CELF4: variants seen among roughly 807,000 people sequenced by gnomAD.
The protein encoded by CELF4 is CUG-BP- and ETR-3-like factor 4.
A neutral mutation model predicts 59.9 loss-of-function variants in CELF4; 18 were observed. The observed-to-expected ratio is 0.30, with a 90% CI of 0.21 to 0.45. The LOEUF is 0.45. Among genes scored for constraint, CELF4 ranks in the 20% least tolerant of loss-of-function variants. CELF4 has a pLI of 1.00. For missense variants in CELF4, 456 were observed against 689.0 expected (o/e 0.66, Z 3.79); for synonymous variants, 261 against 267.1 (o/e 0.98, Z 0.22).
chr18:37,316,533 C>G (rs965432360), intron 3 of CELF4, among the ~76,000 whole-genome samples: 1 of 152,058 alleles, frequency 6.6e-6, no homozygotes, highest in African/African-American at 2.4e-5. Context: ...ATCTCTTGCC[C>G]AGGATCAGTG....
intron 1 of CELF4, among the ~76,000 whole-genome samples, chr18:37,517,445 G>A (rs920457928): frequency 1.3e-5 from 2 of 152,114 alleles, no homozygotes; most frequent in Admixed American, 6.5e-5. Flanking sequence ...GTCTGTCGGT[G>A]CTGAGCTCAG....
At chr18:37,310,922 G>A (rs985800762) in intron 3 of CELF4, among the ~76,000 whole-genome samples, 9 of 152,180 alleles carry the variant, frequency 5.9e-5, no homozygotes, top group South Asian at 2.1e-4. Context: ...CCAGACGGTA[G>A]TGACATGGGA....
chr18:37,353,563 G>C (rs535559729), intron 2 of CELF4, among the ~76,000 whole-genome samples: 5 of 149,404 alleles, frequency 3.3e-5, no homozygotes, highest in Admixed American at 1.4e-4. Flanking sequence ...GCAAGCAGGA[G>C]AGACCAGGAG....
chr18:37,454,463 G>A (rs1363572425), intron 2 of CELF4, among the ~76,000 whole-genome samples: 2 of 152,106 alleles, frequency 1.3e-5, no homozygotes, highest in Admixed American at 6.5e-5. Flanking sequence ...TTTACAGGTA[G>A]CCCCCACATG....
rs368392854 is a variant in CELF4, at chr18:37,420,554, C to G, written c.369+64971G>C. Among the ~76,000 whole-genome samples the G allele has an allele frequency of 2.0e-5, 3 of 152,312 alleles. No homozygotes were observed. In the East Asian group the frequency reaches 5.8e-4, roughly 29 times the overall value. ...GTGCTGGGAGCACTGGGTGGAGGGG[C>G]ACTCTGTCTACCTCCTGGCTGTGGG... is the stretch of plus-strand genomic sequence containing the variant. On this transcript the variant is annotated intron_variant, in intron 2 of 12. Transcript: ENST00000420428.
chr18:37,303,076 G>C (rs369277862), intron 3 of CELF4, among the ~76,000 whole-genome samples: 4 of 152,312 alleles, frequency 2.6e-5, no homozygotes, highest in South Asian at 4.1e-4. Flanking sequence ...TGGTGGAAGA[G>C]AGGAGAAGGA....
intron 2 of CELF4, among the ~76,000 whole-genome samples, chr18:37,480,661 GA>G (rs1406380970): frequency 1.3e-5 from 2 of 152,174 alleles, no homozygotes; most frequent in Admixed American, 6.5e-5. Context: ...CCCGTATGGT[GA>G]TGGGGGCCCC....
intron 2 of CELF4, among the ~76,000 whole-genome samples, chr18:37,468,923 T>G (rs1416894360): frequency 1.3e-5 from 2 of 152,166 alleles, no homozygotes; most frequent in Non-Finnish European, 2.9e-5. Context: ...GTGGGGATTA[T>G]GGGTATTATA....
Position 37,254,287 on chromosome 18 carries a change from G to C in CELF4, c.1334-349C>G, listed in dbSNP as rs1052256576. 2.0e-5 allele frequency among the ~76,000 whole-genome samples: 3 copies of C among 151,652 alleles called. No individual in the cohort carries two copies. The highest frequency in any genetic ancestry group is 2.9e-5 in the Non-Finnish European group (2 of 67,822). ...CCGGCACCTCAGCCCTCGCCTCGGC[G>C]GGAGAGGGCGGACACACCTGCGGGT... is the stretch of plus-strand genomic sequence containing the variant. On this transcript the variant is annotated intron_variant, in intron 11 of 12. Transcript: ENST00000420428. The surrounding 1 kb of genome is among the most constrained non-coding windows in gnomAD (Gnocchi z 5.1).
At chr18:37,541,493 C>T (rs118021765) in intron 1 of CELF4, among the ~76,000 whole-genome samples, 59 of 152,280 alleles carry the variant, frequency 3.9e-4, no homozygotes, top group African/African-American at 1.3e-3. Context: ...TGCCCCCCTC[C>T]GTGTCTGCTC....
At position 37,275,133 on chromosome 18, in the gene CELF4, G is replaced by A; in HGVS notation, c.559C>T (p.Pro187Ser). ...NIEECTILRG[P>S]DGNSKGCAFV... ...CGCGCACCCTTGCTGTTGCCGTCGG[G>A]CCCGCGCAGGATGGTGCACTCCTCG... The change falls in exon 4 of 13, where the codon CCC (proline) becomes TCC (serine). Residue 187 changes from proline to serine, a missense_variant. Physicochemically the swap from Pro to Ser is moderately conservative, Grantham distance 74. Coordinates refer to ENST00000420428, the MANE Select transcript of CELF4 (RefSeq NM_020180.4). 1 of 1,613,352 alleles carries A rather than the reference G, an allele frequency of 6.2e-7. No homozygotes were observed. The highest frequency in any genetic ancestry group is 8.5e-7 in the Non-Finnish European group (1 of 1,179,872).
At chr18:37,532,652 G>A (rs1284999613) in intron 1 of CELF4, among the ~76,000 whole-genome samples, 1 of 152,080 alleles carries the variant, frequency 6.6e-6, no homozygotes, top group East Asian at 1.9e-4. Context: ...AAAAAGGTCA[G>A]GTGACATGGT....
At chr18:37,354,304 A>G (rs2098523600) in intron 2 of CELF4, among the ~76,000 whole-genome samples, 1 of 152,046 alleles carries the variant, frequency 6.6e-6, no homozygotes, top group African/African-American at 2.4e-5. Context: ...GTAAGGGAAA[A>G]CAAGCTCAGC....
intron 2 of CELF4, among the ~76,000 whole-genome samples, chr18:37,401,171 C>T (rs2099321778): frequency 6.6e-6 from 1 of 152,158 alleles, no homozygotes; most frequent in African/African-American, 2.4e-5. Context: ...TGCTGGACCC[C>T]CAGATGGTTG....
intron 2 of CELF4, among the ~76,000 whole-genome samples, chr18:37,344,599 T>TG (rs746787325): frequency 6.6e-6 from 1 of 152,240 alleles, no homozygotes; most frequent in Non-Finnish European, 1.5e-5. Context: ...GTGTGAGCCA[T>TG]GAAAGCTTGT....
chr18:37,487,955 T>C (rs886242300), intron 1 of CELF4, among the ~76,000 whole-genome samples: 1 of 151,812 alleles, frequency 6.6e-6, no homozygotes, highest in Non-Finnish European at 1.5e-5. Context: ...TTGGGTGACC[T>C]CCCCCTGCCG....
chr18:37,258,504 G>A (rs918849319), intron 11 of CELF4, among the ~76,000 whole-genome samples: 3 of 152,168 alleles, frequency 2.0e-5, no homozygotes, highest in Admixed American at 6.5e-5. Context: ...TAAGCTCAGC[G>A]CTTAGGCTTC....
rs984876340 is a variant in CELF4 at position 37,272,997 on chromosome 18, T to A, written c.949+19A>T. The A allele has an allele frequency of 6.3e-7, 1 of 1,597,360 alleles. No individual in the cohort carries two copies. ...TTCTCCCACCGGGCCAGACCGCGTG[T>A]TGGCACCTGCCAGCTCACCTGAGGT... On this transcript the variant is annotated intron_variant, in intron 7 of 12. Transcript: ENST00000420428.
chr18:37,343,251 C>T (rs569120193), intron 2 of CELF4, among the ~76,000 whole-genome samples: 37 of 151,822 alleles, frequency 2.4e-4, no homozygotes, highest in Non-Finnish European at 5.0e-4. Flanking sequence ...GTCTGTGTCC[C>T]TGTGTTTGCA....
Sources: allele counts gnomAD v4.1 joint callset (sites outside exome capture counted in the v4.1 genomes callset), GRCh38; gene constraint gnomAD v4.1.1; non-coding constraint Gnocchi (gnomAD v3.1); transcripts MANE v1.5; gene names NCBI Gene and HGNC (gene_info 2026-07-23, HGNC 2026-07-21).